The following WDR11 variants were observed in gnomAD, a reference collection of about 807,000 sequenced individuals.
The protein encoded by WDR11 is WD repeat domain 11, also known as WD repeat-containing protein 11.
WDR11 carries 83 observed loss-of-function variants against 151.2 expected under a neutral mutation model. The ratio of observed to expected loss-of-function variants is 0.55; its 90% CI spans 0.46 to 0.66. The LOEUF is 0.66. Ranked by LOEUF, WDR11 falls within the 30% of genes least tolerant of loss-of-function variation. The pLI, the probability that WDR11 is intolerant of heterozygous loss-of-function variation, is 0.00. For synonymous variants in WDR11, 484 were observed against 533.1 expected (o/e 0.91, Z 1.27); for missense variants, 1,301 against 1,480.9 (o/e 0.88, Z 1.99).
intron 22 of WDR11, among the ~76,000 whole-genome samples, chr10:120,902,824 A>G (rs920403405): frequency 6.6e-4 from 100 of 152,154 alleles, no homozygotes; most frequent in Non-Finnish European, 1.8e-4. Context: ...AACACAGAAC[A>G]GAAAGATGCT....
chr10:120,857,319 T>C (rs1845982681), intron 2 of WDR11, among the ~76,000 whole-genome samples: 1 of 152,170 alleles, frequency 6.6e-6, no homozygotes, highest in Admixed American at 6.5e-5. Context: ...TCGGTGACAT[T>C]TTTTTCACCA....
chr10:120,898,895 A>G (rs953486629), intron 19 of WDR11, among the ~76,000 whole-genome samples: 14 of 152,192 alleles, frequency 9.2e-5, no homozygotes, highest in Non-Finnish European at 2.9e-5. Flanking sequence ...TCACTTAAAT[A>G]AGCCAACACC....
At chr10:120,852,763 G>T in intron 2 of WDR11, 128 bp downstream of exon 2, 1 of 787,990 alleles carries the variant, frequency 1.3e-6, no homozygotes, top group South Asian at 1.6e-5. Context: ...ACCTATTTGG[G>T]GTAGCCTAGA....
At position 120,900,150 on chromosome 10, in the gene WDR11, CT is replaced by C; in HGVS notation, c.2624+17del. On this transcript the variant is annotated intron_variant, in intron 20 of 28. Coordinates refer to ENST00000263461, the MANE Select transcript of WDR11 (RefSeq NM_018117.12). ...ACATTTCTCATGTGTAAGTTTTTCA[CT>C]TTTCTTTTTCTTTCATAATTTACTT... is the stretch of plus-strand genomic sequence containing the variant. 6.2e-7 allele frequency: 1 copy of C among 1,601,058 alleles called. No homozygotes were observed. The highest frequency in any genetic ancestry group is 8.6e-7 in the Non-Finnish European group (1 of 1,168,400).
chr10:120,886,877 G>T (rs781376080), intron 16 of WDR11, 41 bp downstream of exon 16: 2 of 1,610,272 alleles, frequency 1.2e-6, no homozygotes, highest in African/African-American at 2.7e-5. Context: ...AGAAGATTTT[G>T]TTTTGTTGGT....
chr10:120,861,902 GT>G (rs1327848127), intron 4 of WDR11, among the ~76,000 whole-genome samples: 1 of 152,054 alleles, frequency 6.6e-6, no homozygotes, highest in Non-Finnish European at 1.5e-5. Context: ...GCCCACTACT[GT>G]TTTCTAAATA....
At chr10:120,904,219 G>A (rs912832390) in intron 24 of WDR11, 77 bp downstream of exon 24, 14 of 1,126,406 alleles carry the variant, frequency 1.2e-5, no homozygotes, top group Non-Finnish European at 1.7e-5. Context: ...ATATCTGTAT[G>A]TATATATTTC....
chr10:120,873,350 C>T (rs556819488), intron 10 of WDR11, among the ~76,000 whole-genome samples: 14 of 152,096 alleles, frequency 9.2e-5, no homozygotes, highest in South Asian at 4.1e-4. Flanking sequence ...TTGCAGAAAC[C>T]ACAGTTAACC....
At chr10:120,864,761 C>A (rs1564942763) in intron 5 of WDR11, among the ~76,000 whole-genome samples, 1 of 152,104 alleles carries the variant, frequency 6.6e-6, no homozygotes, top group South Asian at 2.1e-4. Context: ...ATTATATTAT[C>A]ATTTACCATG....
At chr10:120,862,202 A>T (rs1421603951) in intron 4 of WDR11, among the ~76,000 whole-genome samples, 1 of 150,900 alleles carries the variant, frequency 6.6e-6, no homozygotes, top group Non-Finnish European at 1.5e-5. Context: ...GTGCAGTGGC[A>T]CTATCTCGGC....
At chr10:120,907,189 T>C (rs1170074295) in intron 28 of WDR11, 5 of 307,674 alleles carry the variant, frequency 1.6e-5, no homozygotes, top group Non-Finnish European at 3.2e-5. Context: ...TACTTTGAAA[T>C]AGTACTTTTT....
In WDR11 at chr10:120,889,954, A is replaced by G. The variant is rs750865164; in HGVS notation, c.2288A>G (p.Asn763Ser). 2.5e-6 allele frequency: 4 copies of G among 1,614,158 alleles called. No individual in the cohort carries two copies. The highest frequency in any genetic ancestry group is 1.1e-5 in the South Asian group (1 of 91,080). ...ATTCGTTTTGCTCCTGGTAAAGGAA[A>G]TCAAAAATTAATAGCAATGTACAAT... ...RKIRFAPGKG[N>S]QKLIAMYNDG... The change falls in exon 18 of 29, where the codon AAT (asparagine) becomes AGT (serine). Residue 763 changes from asparagine (N) to serine (S), a missense_variant. Around this residue, in one of 3 missense-constraint regions of WDR11, gnomAD observed 589 missense variants for 670.6 expected, o/e 0.88. Coordinates refer to ENST00000263461, the MANE Select transcript of WDR11 (RefSeq NM_018117.12).
At chr10:120,895,684 C>T (rs1161437448) in intron 19 of WDR11, among the ~76,000 whole-genome samples, 2 of 151,978 alleles carry the variant, frequency 1.3e-5, no homozygotes, top group Non-Finnish European at 2.9e-5. Context: ...AAATGATACT[C>T]AACTTTATTT....
intron 18 of WDR11, among the ~76,000 whole-genome samples, chr10:120,890,514 G>A (rs1228620941): frequency 2.6e-5 from 4 of 152,198 alleles, no homozygotes; most frequent in Admixed American, 1.3e-4. Context: ...GCGCCCAGCC[G>A]ATTTATTTAT....
At chr10:120,908,383 A>G in intron 28 of WDR11, 173 bp from the exon 29 acceptor site, 1 of 676,030 alleles carries the variant, frequency 1.5e-6, no homozygotes, top group Non-Finnish European at 2.7e-6. Flanking sequence ...GCCGGGAATC[A>G]CCCTCTGCCC....
intron 24 of WDR11, 112 bp from the exon 25 acceptor site, chr10:120,904,534 A>T (rs886475897): frequency 2.3e-6 from 3 of 1,321,078 alleles, no homozygotes; most frequent in Non-Finnish European, 3.2e-6. Flanking sequence ...AAAATATTCA[A>T]TTGCATTTTT....
intron 12 of WDR11, 68 bp downstream of exon 12, chr10:120,878,527 T>C: frequency 7.8e-7 from 1 of 1,289,104 alleles, no homozygotes; most frequent in Non-Finnish European, 1.1e-6. Context: ...TAAAACATGT[T>C]TGAAAGTACT....
At chr10:120,888,746 C>G (rs1847312086) in intron 16 of WDR11, among the ~76,000 whole-genome samples, 1 of 152,138 alleles carries the variant, frequency 6.6e-6, no homozygotes, top group Admixed American at 6.6e-5. Context: ...TGAGTTGGCT[C>G]TCTGGAAAAC....
At position 120,860,798 on chromosome 10, in the gene WDR11, A is replaced by T. The variant is rs139473358; in HGVS notation, c.526+516A>T. Among the ~76,000 whole-genome samples, 11 of 152,372 alleles carry T rather than the reference A, an allele frequency of 7.2e-5. No individual in the cohort carries two copies. The East Asian group carries it at 1.5e-3, about 21-fold the overall frequency. On this transcript the variant is annotated intron_variant, in intron 4 of 28. Coordinates refer to ENST00000263461, the MANE Select transcript of WDR11 (RefSeq NM_018117.12). ...CTTTTAATGTTTTCCTGAGCTAATG[A>T]TCTAAAAATGAGATGTGCTTTAGGT...
Sources: allele counts gnomAD v4.1 joint callset (sites outside exome capture counted in the v4.1 genomes callset), GRCh38; gene constraint gnomAD v4.1.1; regional missense constraint gnomAD v4.1.1; transcripts MANE v1.5; gene names NCBI Gene and HGNC (gene_info 2026-07-23, HGNC 2026-07-21).